FAF1: variants seen among roughly 807,000 people sequenced by gnomAD.
The protein encoded by FAF1 is FAS-associated factor 1.
In FAF1, 25 loss-of-function variants were observed where a neutral mutation model predicts 92.5. The ratio of observed to expected loss-of-function variants is 0.27; its 90% confidence interval spans 0.20 to 0.38. The LOEUF (loss-of-function observed/expected upper bound fraction) is 0.38. Among genes scored for constraint, FAF1 ranks in the 10% least tolerant of loss-of-function variants. FAF1 has a pLI of 1.00. For missense variants in FAF1, 636 were observed against 793.3 expected, an observed-to-expected ratio of 0.80 and a Z score of 2.38; for synonymous variants, 234 against 273.2, an observed-to-expected ratio of 0.86 and a Z score of 1.42.
intron 8 of FAF1, among the ~76,000 whole-genome samples, chr1:50,642,220 A>G (rs1304523173): frequency 6.6e-6 from 1 of 151,736 alleles, no homozygotes; most frequent in African/African-American, 2.4e-5. Context: ...AAAAAAAAAA[A>G]AAATCCTTGT....
intron 12 of FAF1, among the ~76,000 whole-genome samples, chr1:50,577,671 C>A (rs532561176): frequency 6.6e-6 from 1 of 152,244 alleles, no homozygotes; most frequent in South Asian, 2.1e-4. Context: ...TTAGACTGAG[C>A]AAAAGCAGGA....
At chr1:50,557,382 C>T (rs929828354) in intron 13 of FAF1, among the ~76,000 whole-genome samples, 3 of 152,094 alleles carry the variant, frequency 2.0e-5, no homozygotes, top group Non-Finnish European at 4.4e-5. Context: ...CCTCTATTAC[C>T]CTAATGCTAT....
At chr1:50,642,019 A>C (rs1412176779) in intron 8 of FAF1, among the ~76,000 whole-genome samples, 2 of 152,014 alleles carry the variant, frequency 1.3e-5, no homozygotes, top group Non-Finnish European at 2.9e-5. Flanking sequence ...CCTGGGCAAC[A>C]TGGTGAAACC....
chr1:50,940,043 T>C (rs1645118769), intron 1 of FAF1, among the ~76,000 whole-genome samples: 1 of 152,188 alleles, frequency 6.6e-6, no homozygotes, highest in African/African-American at 2.4e-5. Context: ...CCCGAGTAGC[T>C]GGGACTACAG....
chr1:50,905,824 A>G (rs1644833166), intron 1 of FAF1, among the ~76,000 whole-genome samples: 1 of 152,158 alleles, frequency 6.6e-6, no homozygotes. Context: ...CCCATTCTGT[A>G]GGTTGCCTGT....
At chr1:50,566,692 C>T (rs570038114) in intron 13 of FAF1, among the ~76,000 whole-genome samples, 1 of 152,138 alleles carries the variant, frequency 6.6e-6, no homozygotes, top group African/African-American at 2.4e-5. Context: ...GTCCTGCCTT[C>T]TTCACTGAAG....
chr1:50,784,260 A>T (rs1661285167), intron 4 of FAF1, among the ~76,000 whole-genome samples: 1 of 152,138 alleles, frequency 6.6e-6, no homozygotes, highest in Admixed American at 6.5e-5. Context: ...TACAGACAAC[A>T]TGATATTATA....
chr1:50,634,357 A>G lies in FAF1; in HGVS notation c.744+21085T>C, dbSNP rs146759028. The stretch of plus-strand genomic sequence containing the variant: ...GATTATGTTTAAAACCCAAGGGTCT[A>G]AAAGTACAACTTAATAAGCTGGACT... On this transcript the variant is annotated intron_variant, in intron 8 of 18. Coordinates refer to ENST00000396153, the MANE Select transcript of FAF1 (RefSeq NM_007051.3). 1.4e-4 allele frequency among the ~76,000 whole-genome samples: 21 copies of G among 152,364 alleles called. No individual in the cohort carries two copies. In the East Asian group the frequency reaches 3.5e-3, roughly 25 times the overall value.
At chr1:50,466,720 A>C (rs1646500835) in intron 18 of FAF1, among the ~76,000 whole-genome samples, 1 of 152,164 alleles carries the variant, frequency 6.6e-6, no homozygotes. Flanking sequence ...ATGTGGAATA[A>C]AGCCAAGCTC....
intron 4 of FAF1, among the ~76,000 whole-genome samples, chr1:50,752,114 C>T (rs1311684717): frequency 2.6e-5 from 4 of 152,094 alleles, no homozygotes; most frequent in East Asian, 1.9e-4. Flanking sequence ...GGACTACAGG[C>T]GCGTGCCACC....
intron 4 of FAF1, chr1:50,780,996 T>G: frequency 2.1e-6 from 1 of 479,538 alleles, no homozygotes; most frequent in Admixed American, 2.1e-5. Flanking sequence ...CCAAGGCAGC[T>G]TAGCTGATTG....
At chr1:50,807,399 G>A (rs939314071) in intron 2 of FAF1, among the ~76,000 whole-genome samples, 1 of 152,206 alleles carries the variant, frequency 6.6e-6, no homozygotes, top group Non-Finnish European at 1.5e-5. Context: ...TAGGGCGAAG[G>A]GGAAGCAAGC....
chr1:50,604,515 T>C (rs2124113044), intron 8 of FAF1, among the ~76,000 whole-genome samples: 1 of 152,280 alleles, frequency 6.6e-6, no homozygotes, highest in South Asian at 2.1e-4. Flanking sequence ...TTTTTCTTCT[T>C]TTTTTGTTTT....
chr1:50,751,536 G>T (rs1322294325), intron 4 of FAF1, among the ~76,000 whole-genome samples: 1 of 152,088 alleles, frequency 6.6e-6, no homozygotes, highest in Non-Finnish European at 1.5e-5. Context: ...TAGAAACAGG[G>T]TTTCACCACG....
intron 18 of FAF1, among the ~76,000 whole-genome samples, chr1:50,443,932 C>A (rs1288159055): frequency 1.3e-5 from 2 of 152,090 alleles, no homozygotes; most frequent in African/African-American, 4.8e-5. Context: ...TCAGGTAATG[C>A]CTCCATCTCT....
intron 2 of FAF1, among the ~76,000 whole-genome samples, chr1:50,850,359 A>C (rs1053893682): frequency 6.6e-6 from 1 of 152,216 alleles, no homozygotes; most frequent in African/African-American, 2.4e-5. Flanking sequence ...GGAAAGCCCA[A>C]ATCCAGTAAC....
chr1:50,700,914 T>C (rs1483261714), intron 7 of FAF1, among the ~76,000 whole-genome samples: 1 of 152,138 alleles, frequency 6.6e-6, no homozygotes, highest in Non-Finnish European at 1.5e-5. Context: ...AATTTATTAC[T>C]TCAGGGGATA....
At chr1:50,908,392 T>C (rs1211921128) in intron 1 of FAF1, among the ~76,000 whole-genome samples, 1 of 152,234 alleles carries the variant, frequency 6.6e-6, no homozygotes, top group Non-Finnish European at 1.5e-5. Context: ...TTAGATCTGC[T>C]TGGTGCAGAG....
At chr1:50,627,853 G>A (rs1247385172) in intron 8 of FAF1, among the ~76,000 whole-genome samples, 1 of 151,118 alleles carries the variant, frequency 6.6e-6, no homozygotes, top group East Asian at 1.9e-4. Context: ...TTTAAATGCT[G>A]CTAAGAAGTC....
Sources: gnomAD v4.1 joint callset for allele counts (sites outside exome capture counted in the v4.1 genomes callset) on GRCh38, gnomAD v4.1.1 for gene constraint, MANE v1.5 for transcripts, NCBI Gene and HGNC (gene_info 2026-07-23, HGNC 2026-07-21) for gene names.